The following GAGE10 variants were observed in gnomAD, a reference collection of about 807,000 sequenced individuals.
GAGE10 encodes G antigen 10.
GAGE10 carries 9 observed loss-of-function variants against 11.5 expected under a neutral mutation model. The ratio of observed to expected loss-of-function variants is 0.78; its 90% CI spans 0.47 to 1.37. The LOEUF is 1.37. Ranked by LOEUF, GAGE10 falls within the 40% of genes most tolerant of loss-of-function variation. GAGE10 has a pLI of 0.00. For synonymous variants in GAGE10, 23 were observed against 29.7 expected (o/e 0.77, Z 0.73); for missense variants, 83 against 92.9 (o/e 0.89, Z 0.44).
intron 3 of GAGE10, among the ~76,000 whole-genome samples, chrX:49,311,344 G>C (rs1342309253): frequency 8.9e-6 from 1 of 112,485 alleles, no homozygotes; most frequent in African/African-American, 3.2e-5. Flanking sequence ...GTGAATACAG[G>C]CCAGTTTACA....
chrX:49,311,502 A>C (rs1247472111), intron 3 of GAGE10, among the ~76,000 whole-genome samples: 1 of 111,446 alleles, frequency 9.0e-6, no homozygotes. Context: ...CAGGTCAAGA[A>C]ATTTCTGGGT....
intron 3 of GAGE10, among the ~76,000 whole-genome samples, chrX:49,305,994 G>C (rs1557124085): frequency 1.8e-5 from 2 of 111,855 alleles, no homozygotes; most frequent in African/African-American, 6.5e-5. Flanking sequence ...CCGAGTCACT[G>C]AATGTCAGCC....
intron 3 of GAGE10, among the ~76,000 whole-genome samples, chrX:49,314,944 G>A (rs782168723): frequency 1.8e-5 from 2 of 112,190 alleles, no homozygotes; most frequent in South Asian, 3.7e-4. Context: ...TGTATTGCCC[G>A]TTGGGGAAAG....
At chrX:49,306,792 C>A (rs1394310156) in intron 3 of GAGE10, among the ~76,000 whole-genome samples, 1 of 109,856 alleles carries the variant, frequency 9.1e-6, no homozygotes. Flanking sequence ...GGAGTTGAAG[C>A]CCAGCCTGGG....
chrX:49,317,392 G>A (rs1283168268), intron 4 of GAGE10, 104 bp downstream of exon 4: 2 of 1,079,471 alleles, frequency 1.9e-6, no homozygotes, highest in African/African-American at 3.7e-5. Flanking sequence ...CTGTCCACCA[G>A]GCTGGAGTGC....
At chrX:49,317,702 G>C (rs5905728) in intron 4 of GAGE10, among the ~76,000 whole-genome samples, 1 of 111,720 alleles carries the variant, frequency 9.0e-6, no homozygotes, top group East Asian at 2.8e-4. Context: ...TAGTAAGAGA[G>C]TTCTTATATG....
chrX:49,316,455 C>T (rs1175625384), intron 3 of GAGE10, among the ~76,000 whole-genome samples: 13 of 111,797 alleles, frequency 1.2e-4, no homozygotes, highest in African/African-American at 1.6e-4. Context: ...TGGATGTAAT[C>T]CAACTGGGTC....
chrX:49,309,633 G>T (rs782314716), intron 3 of GAGE10, among the ~76,000 whole-genome samples: 1 of 112,256 alleles, frequency 8.9e-6, no homozygotes, highest in South Asian at 3.7e-4. Context: ...AAAATCAGCT[G>T]CCCTGGCAGC....
intron 3 of GAGE10, among the ~76,000 whole-genome samples, chrX:49,312,332 G>T (rs2066378413): frequency 8.9e-6 from 1 of 112,899 alleles, no homozygotes; most frequent in Admixed American, 9.3e-5. Flanking sequence ...TGGCCAAGGG[G>T]AAGAAAGTAA....
At chrX:49,314,469 A>G (rs1388371886) in intron 3 of GAGE10, among the ~76,000 whole-genome samples, 8 of 112,604 alleles carry the variant, frequency 7.1e-5, no homozygotes, top group African/African-American at 2.6e-4. Flanking sequence ...GAGTATGTCA[A>G]CCAAACCAAA....
intron 3 of GAGE10, among the ~76,000 whole-genome samples, chrX:49,314,213 G>A (rs1407903653): frequency 8.0e-5 from 9 of 111,879 alleles, no homozygotes; most frequent in Non-Finnish European, 3.8e-5. Context: ...CACACTACCT[G>A]GGTAAAAAAT....
At chrX:49,314,903 G>A (rs377116211) in intron 3 of GAGE10, among the ~76,000 whole-genome samples, 1 of 112,275 alleles carries the variant, frequency 8.9e-6, no homozygotes, top group African/African-American at 3.2e-5. Context: ...CCAGTGTTTG[G>A]TTGTTAAAAA....
At chrX:49,307,447 G>A (rs1351434759) in intron 3 of GAGE10, among the ~76,000 whole-genome samples, 4 of 107,744 alleles carry the variant, frequency 3.7e-5, no homozygotes, top group Admixed American at 1.0e-4. Context: ...CTCAAATTTC[G>A]CCAGTTCTCC....
rs1557125411 is a variant in GAGE10, at chrX:49,317,300, A to G, written c.328+12A>G. The G allele has an allele frequency of 8.3e-7, 1 of 1,198,654 alleles. No homozygotes were observed. The highest frequency in any genetic ancestry group is 1.1e-6 in the Non-Finnish European group (1 of 886,987). ...AAGGCCTGAAGAAGGTAGGGAATCC[A>G]TTAGGCATGCACATTGTAGGGTGTC... On this transcript the variant is annotated intron_variant, in intron 4 of 4. Transcript: ENST00000407599.
At position 49,309,539 on chromosome X, in the gene GAGE10, A is replaced by G. The variant is rs185364529; in HGVS notation, c.202+4015A>G. Reference sequence around the variant, plus strand: ...ATGCCAAGAGAAACCAGCTGCTCTGACGGCTACAGAGTTAAAGGGAAAGTC... The same window carrying G: ...ATGCCAAGAGAAACCAGCTGCTCTGGCGGCTACAGAGTTAAAGGGAAAGTC... On this transcript the variant is annotated intron_variant, in intron 3 of 4. Coordinates refer to ENST00000407599, the MANE Select transcript of GAGE10 (RefSeq NM_001098413.4). Among the ~76,000 whole-genome samples, 148 of 112,400 alleles carry G rather than the reference A, an allele frequency of 1.3e-3. 2 individuals carry two copies. The South Asian group carries it at 0.037, about 28-fold the overall frequency.
intron 1 of GAGE10, 109 bp from the exon 2 acceptor site, chrX:49,304,743 T>C (rs1177324771): frequency 1.0e-6 from 1 of 1,002,968 alleles, no homozygotes; most frequent in African/African-American, 1.9e-5. Context: ...GGACTTATTT[T>C]GAAAGTATTT....
intron 1 of GAGE10, among the ~76,000 whole-genome samples, chrX:49,304,063 G>C (rs1246022557): frequency 6.2e-5 from 7 of 112,097 alleles, no homozygotes; most frequent in Non-Finnish European, 1.1e-4. Context: ...GGCGATTGCT[G>C]GGTGTGCTGT....
In GAGE10 at chrX:49,310,329, C is replaced by T. The variant is rs1222641662; in HGVS notation, c.202+4805C>T. Among the ~76,000 whole-genome samples the T allele has an allele frequency of 2.7e-5, 3 of 111,857 alleles. No homozygotes were observed. The Admixed American group carries it at 2.8e-4, about 11-fold the overall frequency. Reference sequence around the variant, plus strand: ...CGGAGGCTTAAGAAAGGCTAATTTACTAGCAGCAGCCCTTACAGGAAGAGA... The same window carrying T: ...CGGAGGCTTAAGAAAGGCTAATTTATTAGCAGCAGCCCTTACAGGAAGAGA... On this transcript the variant is annotated intron_variant, in intron 3 of 4. Transcript: ENST00000407599.
At chrX:49,311,220 G>T (rs1733526220) in intron 3 of GAGE10, among the ~76,000 whole-genome samples, 2 of 112,015 alleles carry the variant, frequency 1.8e-5, no homozygotes, top group Admixed American at 1.9e-4. Flanking sequence ...TCCCTACCCA[G>T]AGAGGCAATT....
Sources: allele counts gnomAD v4.1 joint callset (sites outside exome capture counted in the v4.1 genomes callset), GRCh38; gene constraint gnomAD v4.1.1; transcripts MANE v1.5; gene names NCBI Gene and HGNC (gene_info 2026-07-23, HGNC 2026-07-21).